Variants in RGL1 observed in about 807,000 individuals in gnomAD.
RGL1 encodes the protein ral guanine nucleotide dissociation stimulator-like 1.
A neutral mutation model predicts 95.2 loss-of-function variants in RGL1; 24 were observed. The observed-to-expected ratio is 0.25, with a 90% CI of 0.18 to 0.35. The LOEUF is 0.35. RGL1 is among the 10% of genes least tolerant of loss of function. The probability of loss-of-function intolerance (pLI) is 1.00; values close to 1 mark genes in which losing one functional copy is unlikely to be tolerated. For synonymous variants in RGL1, 329 were observed against 344.9 expected (o/e 0.95, Z 0.51); for missense variants, 715 against 936.3 (o/e 0.76, Z 3.08).
intron 1 of RGL1, chr1:183,646,386 C>T (rs1195492850): frequency 6.6e-6 from 1 of 151,626 alleles, no homozygotes; most frequent in Non-Finnish European, 1.5e-5. Flanking sequence ...GTTTTAATGT[C>T]ATGGCAAACT....
exon 2 of RGL1, chr1:183,742,233 G>A: frequency 6.2e-7 from 1 of 1,614,076 alleles, no homozygotes; most frequent in Non-Finnish European, 8.5e-7. Context: ...AGAAAGCACG[G>A]GACACTGGCT....
intron 1 of RGL1, among the ~76,000 whole-genome samples, chr1:183,658,329 C>A (rs1165358410): frequency 6.6e-6 from 1 of 152,216 alleles, no homozygotes; most frequent in African/African-American, 2.4e-5. Context: ...ACAGAGGGCA[C>A]CTGGAAAATC....
At chr1:183,639,382 A>G (rs187180249) in intron 1 of RGL1, among the ~76,000 whole-genome samples, 2 of 152,166 alleles carry the variant, frequency 1.3e-5, no homozygotes, top group Non-Finnish European at 1.5e-5. Context: ...TTAATCAAAT[A>G]TGTAAAATGT....
intron 4 of RGL1, among the ~76,000 whole-genome samples, chr1:183,868,782 A>G (rs1227869491): frequency 2.0e-5 from 3 of 152,320 alleles, no homozygotes; most frequent in Middle Eastern, 3.4e-3. Context: ...CTGCCATTCA[A>G]TTAGCCACCT....
intron 1 of RGL1, chr1:183,710,265 C>A: frequency 5.9e-6 from 1 of 170,194 alleles, no homozygotes; most frequent in South Asian, 1.3e-4. Flanking sequence ...CCCCCGCACC[C>A]CCACTTTCTT....
intron 2 of RGL1, among the ~76,000 whole-genome samples, chr1:183,816,459 A>G (rs1049049838): frequency 6.6e-6 from 1 of 152,192 alleles, no homozygotes; most frequent in African/African-American, 2.4e-5. Flanking sequence ...ATTAGCTTAT[A>G]CAGTGCCTGA....
At chr1:183,832,088 G>A (rs1449734420) in intron 2 of RGL1, among the ~76,000 whole-genome samples, 2 of 152,200 alleles carry the variant, frequency 1.3e-5, no homozygotes, top group Non-Finnish European at 2.9e-5. Flanking sequence ...AGTGGTTGAA[G>A]TGATAAGACT....
chr1:183,798,997 C>T (rs1029952053), intron 2 of RGL1, among the ~76,000 whole-genome samples: 2 of 151,452 alleles, frequency 1.3e-5, no homozygotes, highest in Non-Finnish European at 2.9e-5. Flanking sequence ...CTCCGCCTCC[C>T]GGGTTTGCCA....
intron 2 of RGL1, among the ~76,000 whole-genome samples, chr1:183,788,740 T>C (rs1660301075): frequency 6.6e-6 from 1 of 152,228 alleles, no homozygotes; most frequent in African/African-American, 2.4e-5. Flanking sequence ...TATTATACTA[T>C]TAAAACAAAT....
chr1:183,823,039 T>C (rs1226981012), intron 2 of RGL1, among the ~76,000 whole-genome samples: 1 of 152,186 alleles, frequency 6.6e-6, no homozygotes, highest in African/African-American at 2.4e-5. Context: ...TCTCAAAAGG[T>C]AGTAAGTGAT....
rs1183970993 is a variant in RGL1, at chr1:183,883,910, A to G, written c.735A>G (p.Ala245=). 2.5e-6 allele frequency: 4 copies of G among 1,613,718 alleles called. No homozygotes were observed. The highest frequency in any genetic ancestry group is 2.2e-5 in the East Asian group (1 of 44,878). ...LVAEQLTYMD[A]QLFKKVVPHH... ...CAGAGCAGCTGACCTACATGGATGC[A>G]GTATGTCTTCTCTTTGTGATCAGAT... The change falls in exon 6 of 18, where the codon GCA becomes GCG. Residue 245 remains alanine, a splice_region_variant and synonymous_variant. Transcript: ENST00000360851.
intron 15 of RGL1, 133 bp from the exon 16 acceptor site, chr1:183,916,312 CAT>C: frequency 3.9e-6 from 4 of 1,036,546 alleles, no homozygotes; most frequent in East Asian, 2.4e-5. Flanking sequence ...GGATGAGACA[CAT>C]GTGTGCTGTG....
intron 2 of RGL1, among the ~76,000 whole-genome samples, chr1:183,754,139 G>C (rs1658195332): frequency 6.6e-6 from 1 of 152,060 alleles, no homozygotes; most frequent in African/African-American, 2.4e-5. Flanking sequence ...ATTCTAAGGA[G>C]AAAATGACTC....
chr1:183,862,074 G>A lies in RGL1; in HGVS notation c.348-3922G>A, dbSNP rs543871928. 2.0e-5 allele frequency among the ~76,000 whole-genome samples: 3 copies of A among 152,156 alleles called. No homozygotes were observed. The South Asian group carries it at 6.2e-4, about 32-fold the overall frequency. On this transcript the variant is annotated intron_variant, in intron 3 of 17. Transcript: ENST00000360851. The stretch of plus-strand genomic sequence containing the variant: ...GGTGCAGGGATGGCCTGGCATGTTG[G>A]CTTATGCCTGTAATCCCAGCACTTT...
chr1:183,857,109 A>G (rs112026293), intron 3 of RGL1, among the ~76,000 whole-genome samples: 3 of 152,308 alleles, frequency 2.0e-5, no homozygotes, highest in African/African-American at 4.8e-5. Flanking sequence ...AGCCCAGAGT[A>G]ATCACAAGGG....
chr1:183,896,857 G>C (rs1045004300), intron 9 of RGL1, among the ~76,000 whole-genome samples: 2 of 152,202 alleles, frequency 1.3e-5, no homozygotes, highest in African/African-American at 4.8e-5. Context: ...CCAGGAGGAA[G>C]GATTGATTTG....
chr1:183,824,470 G>A (rs1353059172), intron 2 of RGL1, among the ~76,000 whole-genome samples: 1 of 152,094 alleles, frequency 6.6e-6, no homozygotes, highest in Admixed American at 6.6e-5. Flanking sequence ...TTGATAGGGA[G>A]GATAGAAGCA....
intron 1 of RGL1, among the ~76,000 whole-genome samples, chr1:183,641,287 A>G (rs910832758): frequency 6.6e-6 from 1 of 152,180 alleles, no homozygotes; most frequent in Non-Finnish European, 1.5e-5. Context: ...GGAGTACGCC[A>G]CTACCCCTAG....
At chr1:183,645,436 T>C (rs1354370624) in intron 1 of RGL1, among the ~76,000 whole-genome samples, 4 of 152,360 alleles carry the variant, frequency 2.6e-5, no homozygotes, top group Non-Finnish European at 4.4e-5. Context: ...TCTTGGGATA[T>C]ATCCCAGTGC....
Sources: allele counts gnomAD v4.1 joint callset (sites outside exome capture counted in the v4.1 genomes callset), GRCh38; gene constraint gnomAD v4.1.1; transcripts MANE v1.5; gene names NCBI Gene and HGNC (gene_info 2026-07-23, HGNC 2026-07-21).